MB21D2: variants seen among roughly 807,000 people sequenced by gnomAD.
MB21D2 encodes the protein nucleotidyltransferase MB21D2.
In MB21D2, 9 loss-of-function variants were observed where a neutral mutation model predicts 33.3. The observed-to-expected ratio is 0.27, with a 90% CI of 0.16 to 0.47. MB21D2 has a LOEUF of 0.47. Among genes scored for constraint, MB21D2 ranks in the 20% least tolerant of loss-of-function variants. MB21D2 has a pLI of 0.99. For synonymous variants in MB21D2, 241 were observed against 236.3 expected (o/e 1.02, Z -0.18); for missense variants, 540 against 624.6 (o/e 0.86, Z 1.44).
intron 1 of MB21D2, among the ~76,000 whole-genome samples, 158 bp downstream of exon 1, chr3:192,917,468 GGAGA>G (rs1453181414): frequency 6.6e-6 from 1 of 152,166 alleles, no homozygotes; most frequent in African/African-American, 2.4e-5. Context: ...GGCTTTCGGC[GGAGA>G]AAGAAGAGAG....
At chr3:192,912,279 G>A (rs1348628539) in intron 1 of MB21D2, among the ~76,000 whole-genome samples, 2 of 152,166 alleles carry the variant, frequency 1.3e-5, no homozygotes, top group African/African-American at 4.8e-5. Flanking sequence ...AACCCTGCAC[G>A]CTGATTGGCA....
At chr3:192,837,514 CAG>C (rs1332714702) in intron 1 of MB21D2, among the ~76,000 whole-genome samples, 1 of 152,140 alleles carries the variant, frequency 6.6e-6, no homozygotes, top group Non-Finnish European at 1.5e-5. Context: ...CCCCTCGGCA[CAG>C]AGGCATTAAG....
rs536457784 is a variant in MB21D2, at chr3:192,886,054, G to C, written c.211+31576C>G. ...CGGCTGACTGCAACCTCCGCCTCCC[G>C]GGTTCAAGCAATTCTCTGCCTCAGC... On this transcript the variant is annotated intron_variant, in intron 1 of 1. Transcript: ENST00000392452. Among the ~76,000 whole-genome samples the C allele has an allele frequency of 6.4e-4, 97 of 152,010 alleles. 1 individual carries two copies. Among genetic ancestry groups the C allele is most frequent in the African/African-American group, 2.0e-3 (82 of 41,386 alleles).
chr3:192,829,954 T>C (rs1362189899), intron 1 of MB21D2, among the ~76,000 whole-genome samples: 1 of 152,160 alleles, frequency 6.6e-6, no homozygotes, highest in Non-Finnish European at 1.5e-5. Flanking sequence ...TCTTGAACTC[T>C]TGGGTTCAAG....
intron 1 of MB21D2, among the ~76,000 whole-genome samples, chr3:192,809,819 T>A (rs1417523174): frequency 6.6e-6 from 1 of 152,232 alleles, no homozygotes; most frequent in Non-Finnish European, 1.5e-5. Flanking sequence ...TGCGTGTGCA[T>A]CTGTGTTGCA....
intron 1 of MB21D2, among the ~76,000 whole-genome samples, chr3:192,892,734 C>T (rs1365963110): frequency 6.6e-6 from 1 of 152,128 alleles, no homozygotes; most frequent in South Asian, 2.1e-4. Context: ...TGAGCCACCG[C>T]GCCCGGCCAT....
chr3:192,867,061 A>G (rs1416850289), intron 1 of MB21D2, among the ~76,000 whole-genome samples: 2 of 152,158 alleles, frequency 1.3e-5, no homozygotes, highest in Non-Finnish European at 2.9e-5. Flanking sequence ...GAGACAATAA[A>G]CCCAGAAACT....
intron 1 of MB21D2, among the ~76,000 whole-genome samples, chr3:192,897,692 G>A (rs1331612369): frequency 2.0e-5 from 3 of 152,128 alleles, no homozygotes; most frequent in Non-Finnish European, 4.4e-5. Flanking sequence ...TCTGACGTAT[G>A]TAAAATAAAA....
intron 1 of MB21D2, among the ~76,000 whole-genome samples, chr3:192,849,574 C>T (rs1712754858): frequency 6.6e-6 from 1 of 152,168 alleles, no homozygotes; most frequent in Non-Finnish European, 1.5e-5. Flanking sequence ...CCTCGGCCTC[C>T]CAGAGTGCTG....
chr3:192,853,769 G>C (rs1358604848), intron 1 of MB21D2, among the ~76,000 whole-genome samples: 1 of 152,140 alleles, frequency 6.6e-6, no homozygotes, highest in Non-Finnish European at 1.5e-5. Flanking sequence ...TGGCAATCCT[G>C]CATCGAGCAA....
chr3:192,894,429 A>G (rs781509804), intron 1 of MB21D2, among the ~76,000 whole-genome samples: 5 of 152,164 alleles, frequency 3.3e-5, no homozygotes, highest in African/African-American at 4.8e-5. Context: ...CTGGCCTCCA[A>G]TGGATTTTTG....
At chr3:192,853,843 C>T (rs1336611414) in intron 1 of MB21D2, among the ~76,000 whole-genome samples, 1 of 152,178 alleles carries the variant, frequency 6.6e-6, no homozygotes, top group Non-Finnish European at 1.5e-5. Context: ...TGGTAATTCT[C>T]TTAATCTTTC....
intron 1 of MB21D2, among the ~76,000 whole-genome samples, chr3:192,810,022 A>G (rs975708393): frequency 9.2e-5 from 14 of 152,200 alleles, no homozygotes; most frequent in African/African-American, 3.1e-4. Context: ...AGTTTATACT[A>G]CTAGGTTGAG....
intron 1 of MB21D2, among the ~76,000 whole-genome samples, chr3:192,887,732 T>C (rs1713763967): frequency 6.6e-6 from 1 of 152,130 alleles, no homozygotes; most frequent in Admixed American, 6.5e-5. Context: ...GCTTTGCTCT[T>C]ACGTAAAAAT....
At chr3:192,856,937 G>C (rs1712930865) in intron 1 of MB21D2, among the ~76,000 whole-genome samples, 1 of 151,860 alleles carries the variant, frequency 6.6e-6, no homozygotes, top group Non-Finnish European at 1.5e-5. Context: ...GATTTAAAAA[G>C]AAAAATAATA....
At chr3:192,804,786 T>C (rs372920074) in intron 1 of MB21D2, among the ~76,000 whole-genome samples, 18 of 152,248 alleles carry the variant, frequency 1.2e-4, no homozygotes, top group African/African-American at 4.3e-4. Flanking sequence ...CAATAAACAA[T>C]ATAAAACCTT....
chr3:192,916,393 T>G (rs1714466562), intron 1 of MB21D2, among the ~76,000 whole-genome samples: 1 of 152,148 alleles, frequency 6.6e-6, no homozygotes, highest in Non-Finnish European at 1.5e-5. Context: ...AACAGCCGGC[T>G]GAAACCCAAT....
chr3:192,883,639 T>C (rs957908256), intron 1 of MB21D2, among the ~76,000 whole-genome samples: 1 of 152,028 alleles, frequency 6.6e-6, no homozygotes, highest in African/African-American at 2.4e-5. Flanking sequence ...GATCCAGTAG[T>C]TGTAGTTGTA....
At chr3:192,874,661 T>C (rs1160717222) in intron 1 of MB21D2, among the ~76,000 whole-genome samples, 1 of 152,192 alleles carries the variant, frequency 6.6e-6, no homozygotes, top group Non-Finnish European at 1.5e-5. Flanking sequence ...TCCCAGCTCC[T>C]TGCCCTGGAA....
Sources: gnomAD v4.1 joint callset for allele counts (sites outside exome capture counted in the v4.1 genomes callset) on GRCh38, gnomAD v4.1.1 for gene constraint, MANE v1.5 for transcripts, NCBI Gene and HGNC (gene_info 2026-07-23, HGNC 2026-07-21) for gene names.